Variants in FN1 observed in about 807,000 individuals in gnomAD.
The protein encoded by FN1 is fibronectin.
In FN1, 106 loss-of-function variants were observed where a neutral mutation model predicts 297.3. The observed-to-expected ratio is 0.36, with a 90% CI of 0.30 to 0.42. FN1 has a LOEUF of 0.42. Ranked by LOEUF, FN1 falls within the 10% of genes least tolerant of loss-of-function variation. FN1 has a pLI of 1.00. For synonymous variants in FN1, 1,149 were observed against 1,152.6 expected (o/e 1.00, Z 0.06); for missense variants, 2,690 against 3,124.9 (o/e 0.86, Z 3.32).
At chr2:215,382,020 T>G (rs370952425) in intron 32 of FN1, 192 bp downstream of exon 32, 7 of 574,002 alleles carry the variant, frequency 1.2e-5, no homozygotes, top group Admixed American at 5.3e-5. Flanking sequence ...GTTTCACAAC[T>G]TCTTTCTCTG....
chr2:215,384,714 C>T, intron 29 of FN1, 146 bp downstream of exon 29: 1 of 662,790 alleles, frequency 1.5e-6, no homozygotes, highest in South Asian at 1.8e-5. Flanking sequence ...TCATCTATAT[C>T]TTACGTATTT....
rs1326993663 is a variant in FN1, at chr2:215,408,343, C to T, written c.2383G>A (p.Glu795Lys). The change falls in exon 16 of 46, where the codon GAG (glutamate) becomes AAG (lysine). Residue 795 changes from glutamate to lysine, a missense_variant. By Grantham distance (56) the Glu-to-Lys change is moderately conservative. This residue lies in a region of FN1 where 876 missense variants were observed against 1,058.1 expected (regional missense o/e 0.83). Transcript: ENST00000354785. ...KYIVNVYQIS[E>K]DGEQSLILST... ...AGGATCAAACTCTGCTCCCCATCCT[C>T]AGATATCTGATAGACATTTACAATG... The T allele has an allele frequency of 2.5e-6, 4 of 1,614,010 alleles. No individual in the cohort carries two copies. Among genetic ancestry groups the T allele is most frequent in the Non-Finnish European group, 3.4e-6 (4 of 1,180,004 alleles).
intron 2 of FN1, among the ~76,000 whole-genome samples, 180 bp downstream of exon 2, chr2:215,434,512 GTTTC>G (rs2067114713): frequency 6.6e-6 from 1 of 152,106 alleles, no homozygotes; most frequent in African/African-American, 2.4e-5. Context: ...GGAAAGATTC[GTTTC>G]TTTGTTTTAA....
chr2:215,434,597 A>G, intron 2 of FN1, 99 bp downstream of exon 2: 1 of 1,366,084 alleles, frequency 7.3e-7, no homozygotes, highest in Non-Finnish European at 1.0e-6. Context: ...TAATTCTATT[A>G]GAAAAATGGT....
intron 32 of FN1, 50 bp downstream of exon 32, chr2:215,382,162 C>G (rs1052218153): frequency 8.0e-7 from 1 of 1,247,280 alleles, no homozygotes; most frequent in Non-Finnish European, 1.2e-6. Flanking sequence ...TTCAGACACC[C>G]AAGAACAAAA....
intron 20 of FN1, among the ~76,000 whole-genome samples, chr2:215,403,007 T>C (rs1032580200): frequency 2.0e-5 from 3 of 152,146 alleles, no homozygotes; most frequent in Admixed American, 6.5e-5. Context: ...AAGACAACTA[T>C]AGAATTCTAC....
intron 2 of FN1, 40 bp downstream of exon 2, chr2:215,434,656 G>A: frequency 6.2e-7 from 1 of 1,611,628 alleles, no homozygotes; most frequent in South Asian, 1.1e-5. Context: ...ACCACTTCAT[G>A]TATTAAAAGA....
At chr2:215,432,979 C>T (rs910469332) in intron 3 of FN1, among the ~76,000 whole-genome samples, 1 of 152,146 alleles carries the variant, frequency 6.6e-6, no homozygotes, top group African/African-American at 2.4e-5. Context: ...ATTTGTCTAG[C>T]TTGAAGATAT....
At chr2:215,402,481 A>G (rs988529221) in intron 20 of FN1, among the ~76,000 whole-genome samples, 3 of 152,208 alleles carry the variant, frequency 2.0e-5, no homozygotes, top group Non-Finnish European at 4.4e-5. Context: ...AGCACAAGTT[A>G]TAAAACTCAG....
intron 6 of FN1, among the ~76,000 whole-genome samples, chr2:215,426,968 C>T (rs1236102043): frequency 4.6e-5 from 7 of 151,838 alleles, no homozygotes; most frequent in African/African-American, 7.3e-5. Context: ...CTCCACCTCC[C>T]GGGTTCATGC....
intron 22 of FN1, 62 bp from the exon 23 acceptor site, chr2:215,397,285 T>C (rs2060410163): frequency 8.5e-7 from 1 of 1,173,960 alleles, no homozygotes; most frequent in South Asian, 1.2e-5. Flanking sequence ...TGTGTAATCT[T>C]TCCTCCTTCC....
chr2:215,381,042 C>G lies in FN1; in HGVS notation c.5203G>C (p.Asp1735His). ...CAAGCAATTTTGATGGAATCGACAT[C>G]CACATCAGTGAATGCCAGTCCTTTA... ...RPKGLAFTDV[D>H]VDSIKIAWES... Residue 1735 changes from aspartate (D) to histidine (H), a missense_variant, in exon 33 of 46, where the codon GAT (aspartate) becomes CAT (histidine). By Grantham distance (81) the Asp-to-His change is moderately conservative. Transcript: ENST00000354785. The G allele has an allele frequency of 6.2e-7, 1 of 1,614,116 alleles. No homozygotes were observed. Among genetic ancestry groups the G allele is most frequent in the Non-Finnish European group, 8.5e-7 (1 of 1,179,922 alleles).
intron 41 of FN1, among the ~76,000 whole-genome samples, chr2:215,369,306 C>T (rs944301771): frequency 7.3e-5 from 11 of 151,566 alleles, no homozygotes; most frequent in African/African-American, 2.7e-4. Flanking sequence ...AGTAAAACCA[C>T]AAAAGGCAAA....
chr2:215,402,459 T>A (rs1482521710), intron 20 of FN1, among the ~76,000 whole-genome samples: 4 of 152,204 alleles, frequency 2.6e-5, no homozygotes, highest in Non-Finnish European at 5.9e-5. Context: ...TCACATTTGC[T>A]CTTAAGAATT....
intron 31 of FN1, among the ~76,000 whole-genome samples, chr2:215,382,889 G>A (rs1162244076): frequency 3.3e-5 from 5 of 151,928 alleles, no homozygotes; most frequent in African/African-American, 1.2e-4. Flanking sequence ...GGACAATGAT[G>A]ACATAGGACA....
intron 20 of FN1, 147 bp downstream of exon 20, chr2:215,404,242 A>C: frequency 1.2e-6 from 1 of 809,900 alleles, no homozygotes; most frequent in Non-Finnish European, 2.0e-6. Flanking sequence ...GCCAGCAGCC[A>C]GTCTATGGAG....
In FN1 at chr2:215,428,185, G is replaced by A. The variant is rs757842597; in HGVS notation, c.839C>T (p.Ser280Leu). ...CTGCTCGTCCTGTGCCTCACCGCTC[G>A]ATGTGGTCTGCACAGAGGTGTGCCT... ...CERHTSVQTTSSGSGPFTDVR... is the reference protein window; with the variant it reads ...CERHTSVQTTLSGSGPFTDVR... The change falls in exon 6 of 46, where the codon TCG becomes TTG. Residue 280 changes from serine to leucine, a missense_variant. Coordinates refer to ENST00000354785, the MANE Select transcript of FN1 (RefSeq NM_212482.4). The A allele has an allele frequency of 3.1e-5, 50 of 1,613,884 alleles. No homozygotes were observed. The South Asian group carries it at 4.2e-4, about 13-fold the overall frequency.
At chr2:215,405,639 A>AG (rs1345402646) in intron 19 of FN1, among the ~76,000 whole-genome samples, 5 of 152,152 alleles carry the variant, frequency 3.3e-5, no homozygotes, top group Admixed American at 1.3e-4. Context: ...GCTACTCGGG[A>AG]GGCTGAGGCA....
chr2:215,434,655 T>G, intron 2 of FN1, 41 bp downstream of exon 2: 1 of 1,612,064 alleles, frequency 6.2e-7, no homozygotes, highest in Non-Finnish European at 8.5e-7. Context: ...TACCACTTCA[T>G]GTATTAAAAG....
Sources: gnomAD v4.1 joint callset for allele counts (sites outside exome capture counted in the v4.1 genomes callset) on GRCh38, gnomAD v4.1.1 for gene constraint, gnomAD v4.1.1 regional missense constraint, MANE v1.5 for transcripts, NCBI Gene and HGNC (gene_info 2026-07-23, HGNC 2026-07-21) for gene names.